UBE2L3: variants seen among roughly 807,000 people sequenced by gnomAD.
The protein encoded by UBE2L3 is ubiquitin conjugating enzyme E2 L3.
UBE2L3 carries 1 observed loss-of-function variant against 17.8 expected under a neutral mutation model. That is an observed-to-expected ratio of 0.06 (90% CI 0.02 to 0.27). The LOEUF (loss-of-function observed/expected upper bound fraction) is 0.27. Ranked by LOEUF, UBE2L3 falls within the 10% of genes least tolerant of loss-of-function variation. The pLI, the probability that UBE2L3 is intolerant of heterozygous loss-of-function variation, is 1.00. For synonymous variants in UBE2L3, 44 were observed against 68.5 expected, an observed-to-expected ratio of 0.64 and a Z score of 1.76; for missense variants, 40 against 192.6, an observed-to-expected ratio of 0.21 and a Z score of 4.69.
intron 1 of UBE2L3, among the ~76,000 whole-genome samples, chr22:21,576,213 C>G (rs550009645): frequency 1.1e-4 from 17 of 151,008 alleles, no homozygotes; most frequent in African/African-American, 4.1e-4. Context: ...CTCCCGGGTT[C>G]AAGCAATTCT....
intron 3 of UBE2L3, among the ~76,000 whole-genome samples, chr22:21,613,807 C>T (rs1321062417): frequency 1.3e-5 from 2 of 152,128 alleles, no homozygotes; most frequent in Non-Finnish European, 2.9e-5. Context: ...TGCACATGTG[C>T]GGAAATGGTA....
chr22:21,602,864 C>T (rs747656812), intron 2 of UBE2L3, among the ~76,000 whole-genome samples: 1 of 152,208 alleles, frequency 6.6e-6, no homozygotes, highest in East Asian at 1.9e-4. Context: ...AGATGGATAC[C>T]TGCAGATGTG....
At chr22:21,597,938 A>C (rs1928632883) in intron 2 of UBE2L3, among the ~76,000 whole-genome samples, 1 of 147,846 alleles carries the variant, frequency 6.8e-6, no homozygotes, top group Admixed American at 6.8e-5. Context: ...TGAAGGCATG[A>C]GCCACCACGC....
chr22:21,584,734 G>C (rs1187022411), intron 1 of UBE2L3, among the ~76,000 whole-genome samples: 2 of 151,118 alleles, frequency 1.3e-5, no homozygotes, highest in Non-Finnish European at 3.0e-5. Context: ...GCCGAGGCGG[G>C]TGGATCCCTT....
intron 2 of UBE2L3, among the ~76,000 whole-genome samples, chr22:21,598,195 A>G (rs375361190): frequency 6.1e-5 from 9 of 148,512 alleles, no homozygotes; most frequent in African/African-American, 1.5e-4. Flanking sequence ...GGTTTCATTA[A>G]TGTGTGTGTG....
chr22:21,601,890 T>C (rs1928879511), intron 2 of UBE2L3, among the ~76,000 whole-genome samples: 1 of 147,650 alleles, frequency 6.8e-6, no homozygotes, highest in Admixed American at 6.9e-5. Context: ...GAGAATGGCG[T>C]GAACCCGGGA....
chr22:21,566,348 T>C (rs1926636518), upstream of UBE2L3, among the ~76,000 whole-genome samples: 3 of 151,644 alleles, frequency 2.0e-5, no homozygotes, highest in Non-Finnish European at 2.9e-5. Flanking sequence ...CTTTGGGAGG[T>C]TGCGGCGGGA....
At chr22:21,608,778 T>C (rs1929314775) in intron 2 of UBE2L3, among the ~76,000 whole-genome samples, 1 of 146,762 alleles carries the variant, frequency 6.8e-6, no homozygotes, top group Non-Finnish European at 1.5e-5. Context: ...GATGGGGTCT[T>C]GTTATGTTTC....
At chr22:21,602,640 C>CATAT (rs1010740717) in intron 2 of UBE2L3, among the ~76,000 whole-genome samples, 13 of 152,220 alleles carry the variant, frequency 8.5e-5, no homozygotes, top group Admixed American at 6.5e-4. Context: ...AGTTCGGTGC[C>CATAT]ATATGGCAAA....
intron 1 of UBE2L3, among the ~76,000 whole-genome samples, chr22:21,582,722 C>T (rs1568975342): frequency 6.6e-6 from 1 of 152,068 alleles, no homozygotes; most frequent in Non-Finnish European, 1.5e-5. Context: ...GACGAGGTTT[C>T]ACCATGTTGG....
intron 2 of UBE2L3, among the ~76,000 whole-genome samples, chr22:21,606,893 C>T (rs928088865): frequency 3.9e-5 from 6 of 152,118 alleles, no homozygotes; most frequent in East Asian, 1.9e-4. Context: ...GACCTGGACG[C>T]GTGGCTTCAG....
intron 1 of UBE2L3, among the ~76,000 whole-genome samples, chr22:21,579,139 C>T (rs5754177): frequency 0.19 from 29,353 of 151,724 alleles, 3,530 homozygotes; most frequent in East Asian, 0.41. Flanking sequence ...TACAGGTGCC[C>T]GCCACCACGC....
rs531751082 is a variant in UBE2L3, at chr22:21,562,343, C to A, written c.201+12693C>A. ...CTGAGTAGCTGGTACTACAGGGGCC[C>A]GCCACTGCACCCGGCTAATTTTTTC... On this transcript the variant is annotated intron_variant, in intron 1 of 3. Coordinates refer to the UBE2L3 transcript ENST00000458578. 5.3e-5 allele frequency among the ~76,000 whole-genome samples: 8 copies of A among 150,416 alleles called. No homozygotes were observed. The East Asian group carries it at 1.6e-3, about 29-fold the overall frequency.
chr22:21,594,601 A>G (rs1031656748), intron 2 of UBE2L3, among the ~76,000 whole-genome samples: 20 of 152,148 alleles, frequency 1.3e-4, no homozygotes, highest in Admixed American at 1.3e-3. Context: ...AAGGAAAGAT[A>G]TGCTTTGTAA....
chr22:21,573,921 C>G (rs1331181464), intron 1 of UBE2L3, among the ~76,000 whole-genome samples: 1 of 152,172 alleles, frequency 6.6e-6, no homozygotes, highest in African/African-American at 2.4e-5. Flanking sequence ...CTCTGCCAGG[C>G]CAGCCTTGGA....
At chr22:21,599,549 C>T (rs917336806) in intron 2 of UBE2L3, among the ~76,000 whole-genome samples, 6 of 152,024 alleles carry the variant, frequency 3.9e-5, no homozygotes, top group Admixed American at 1.3e-4. Flanking sequence ...GCACTTAAGA[C>T]CAAACAGAAG....
At chr22:21,611,497 G>A (rs1929476434) in intron 3 of UBE2L3, among the ~76,000 whole-genome samples, 1 of 152,216 alleles carries the variant, frequency 6.6e-6, no homozygotes, top group Admixed American at 6.5e-5. Context: ...ATGGGCTAGA[G>A]CCTAGTTGCT....
chr22:21,572,958 T>C (rs959059423), intron 1 of UBE2L3, among the ~76,000 whole-genome samples: 3 of 152,116 alleles, frequency 2.0e-5, no homozygotes, highest in Non-Finnish European at 4.4e-5. Flanking sequence ...CTTCAGTCTC[T>C]CTTCTCTGCC....
At chr22:21,576,577 C>G (rs187107987) in intron 1 of UBE2L3, among the ~76,000 whole-genome samples, 1 of 151,926 alleles carries the variant, frequency 6.6e-6, no homozygotes, top group African/African-American at 2.4e-5. Context: ...GGATTACAGG[C>G]GTGAGCCACC....
Sources: gnomAD v4.1 joint callset for allele counts (sites outside exome capture counted in the v4.1 genomes callset) on GRCh38, gnomAD v4.1.1 for gene constraint, MANE v1.5 for transcripts, NCBI Gene and HGNC (gene_info 2026-07-23, HGNC 2026-07-21) for gene names.